The following CDRT4 variants were observed in gnomAD, a reference collection of about 807,000 sequenced individuals.
CDRT4 encodes CMT1A duplicated region transcript 4, also known as CMT1A duplicated region transcript 4 protein.
For synonymous variants in CDRT4, 64 were observed against 69.6 expected (o/e 0.92, Z 0.40); for missense variants, 167 against 193.1 (o/e 0.87, Z 0.80).
intron 2 of CDRT4, chr17:15,443,763 T>C (rs1394901220): frequency 1.4e-5 from 7 of 503,572 alleles, no homozygotes; most frequent in Non-Finnish European, 2.7e-5. Context: ...TAGAACCCAG[T>C]CTTCTCGGAC....
chr17:15,447,900 G>A (rs1443501415), intron 2 of CDRT4, among the ~76,000 whole-genome samples: 1 of 152,174 alleles, frequency 6.6e-6, no homozygotes, highest in African/African-American at 2.4e-5. Flanking sequence ...GAAACAAGCA[G>A]CAAGAAATAG....
intron 2 of CDRT4, among the ~76,000 whole-genome samples, chr17:15,447,275 G>A (rs977341388): frequency 2.0e-5 from 3 of 152,196 alleles, no homozygotes; most frequent in Admixed American, 6.5e-5. Flanking sequence ...ACAGCCCCAT[G>A]AGGAAGACAG....
intron 2 of CDRT4, among the ~76,000 whole-genome samples, chr17:15,449,800 G>C (rs78165090): frequency 0.012 from 1,831 of 152,256 alleles, 42 homozygotes; most frequent in African/African-American, 0.042. Flanking sequence ...TCATAAGTGA[G>C]AACATGTGAT....
chr17:15,444,532 T>C (rs1978927710), intron 2 of CDRT4, among the ~76,000 whole-genome samples: 1 of 152,154 alleles, frequency 6.6e-6, no homozygotes, highest in South Asian at 2.1e-4. Context: ...ATTGAAGATT[T>C]ATAAAATATT....
At chr17:15,466,932 T>C (rs555276654) in intron 1 of CDRT4, among the ~76,000 whole-genome samples, 2 of 152,358 alleles carry the variant, frequency 1.3e-5, no homozygotes, top group South Asian at 2.1e-4. Context: ...TATAGGTTTC[T>C]ATAGGTGCTT....
In CDRT4 at chr17:15,450,486, C is replaced by T. The variant is rs1979210704; in HGVS notation, c.-48+2518G>A. Among the ~76,000 whole-genome samples, 1 of 152,150 alleles carries T rather than the reference C, an allele frequency of 6.6e-6. No individual in the cohort carries two copies. Among genetic ancestry groups the T allele is most frequent in the Non-Finnish European group, 1.5e-5 (1 of 68,034 alleles). On this transcript the variant is annotated intron_variant, in intron 2 of 3. Coordinates refer to ENST00000619038, the MANE Select transcript of CDRT4 (RefSeq NM_001204477.2). This position sits in a 1 kb window ranked among gnomAD's most constrained non-coding sequence, Gnocchi z 4.2. ...CTCTCACATTCTTGAAATGTTCTCC[C>T]ACCTGGTTTCCATGATGCCACAGGA... is the stretch of plus-strand genomic sequence containing the variant.
chr17:15,461,116 G>A (rs1036283529), intron 1 of CDRT4, among the ~76,000 whole-genome samples: 23 of 152,070 alleles, frequency 1.5e-4, no homozygotes, highest in Admixed American at 1.2e-3. Flanking sequence ...CTGTTTCCCC[G>A]ACAGCACTTA....
chr17:15,460,712 G>C (rs1979707542), intron 1 of CDRT4, among the ~76,000 whole-genome samples: 1 of 152,076 alleles, frequency 6.6e-6, no homozygotes, highest in African/African-American at 2.4e-5. Flanking sequence ...CCACACAGCA[G>C]CCAGAGTGAT....
intron 1 of CDRT4, among the ~76,000 whole-genome samples, chr17:15,462,447 A>AAAAAGATTC (rs1979800012): frequency 6.6e-6 from 1 of 151,352 alleles, no homozygotes; most frequent in Admixed American, 6.6e-5. Context: ...AAAAAAAAAA[A>AAAAAGATTC]AAAAGATTCT....
At chr17:15,445,978 T>C (rs1428960043) in intron 2 of CDRT4, among the ~76,000 whole-genome samples, 2 of 152,222 alleles carry the variant, frequency 1.3e-5, no homozygotes, top group East Asian at 3.8e-4. Context: ...CTCTGCTTTT[T>C]TCTTTTTTTC....
chr17:15,466,434 T>A (rs1433199570), intron 1 of CDRT4, among the ~76,000 whole-genome samples: 1 of 152,218 alleles, frequency 6.6e-6, no homozygotes, highest in African/African-American at 2.4e-5. Context: ...CCCACCCCTA[T>A]CTACACCAAG....
Position 15,440,273 on chromosome 17 carries a change from C to A in CDRT4, c.-35G>T. 1 of 1,612,292 alleles carries A rather than the reference C, an allele frequency of 6.2e-7. No homozygotes were observed. Among genetic ancestry groups the A allele is most frequent in the Non-Finnish European group, 8.5e-7 (1 of 1,179,950 alleles). Reference sequence around the variant, plus strand: ...AATATTTACTGATTTCTTAACATCACAGGTTCAGATTCCTATGGGAAAATA... The same window carrying A: ...AATATTTACTGATTTCTTAACATCAAAGGTTCAGATTCCTATGGGAAAATA... On this transcript the variant is annotated 5_prime_UTR_variant, in exon 3 of 4. Coordinates refer to ENST00000619038, the MANE Select transcript of CDRT4 (RefSeq NM_001204477.2).
chr17:15,439,598 C>T (rs867586003), intron 3 of CDRT4, among the ~76,000 whole-genome samples: 1 of 152,184 alleles, frequency 6.6e-6, no homozygotes, highest in Non-Finnish European at 1.5e-5. Context: ...GCAGCAACCC[C>T]GTTCCATCTC....
intron 2 of CDRT4, among the ~76,000 whole-genome samples, chr17:15,447,572 C>A (rs560089944): frequency 6.6e-6 from 1 of 152,196 alleles, no homozygotes; most frequent in South Asian, 2.1e-4. Context: ...AAATTCACTG[C>A]GGGAAGAAGC....
At chr17:15,459,498 G>A (rs959556325) in intron 1 of CDRT4, among the ~76,000 whole-genome samples, 2 of 139,622 alleles carry the variant, frequency 1.4e-5, no homozygotes, top group African/African-American at 2.7e-5. Context: ...AGGCTGGAGT[G>A]CAGTGGCGCG....
rs763390019 is a variant in CDRT4, at chr17:15,438,153, C to CAT, written c.77_78dup (p.Asp27MetfsTer15). On this transcript the variant is annotated frameshift_variant, in exon 4 of 4. Coordinates refer to ENST00000619038, the MANE Select transcript of CDRT4 (RefSeq NM_001204477.2). LOFTEE classifies it low-confidence loss of function (END_TRUNC). ...TAGGTGACATAGGCCGGCCAGGGGT[C>CAT]ATGTTTTTCAAGTAGCTTCCGGGGA... 4 of 1,614,070 alleles carry CAT rather than the reference C, an allele frequency of 2.5e-6. No homozygotes were observed. The African/African-American group carries it at 5.3e-5, about 22-fold the overall frequency.
chr17:15,438,563 A>G (rs1468276357), intron 3 of CDRT4, among the ~76,000 whole-genome samples: 3 of 152,240 alleles, frequency 2.0e-5, no homozygotes, highest in African/African-American at 7.2e-5. Flanking sequence ...GGCTTGGAAC[A>G]GTACACTTAG....
rs1237102173 is a variant in CDRT4 at position 15,436,796 on chromosome 17, G to GGCCGAGA, written c.*970_*976dup. Reference sequence around the variant, plus strand: ...AGCTGGATGGGATCACTCAGAACCCGGCCGAGAGCTAATTCCCTCTTGGCT... The same window carrying GGCCGAGA: ...AGCTGGATGGGATCACTCAGAACCCGGCCGAGAGCCGAGAGCTAATTCCCTCTTGGCT... On this transcript the variant is annotated 3_prime_UTR_variant, in exon 4 of 4. Transcript: ENST00000619038. 1 of 152,194 alleles carries GGCCGAGA rather than the reference G, an allele frequency of 6.6e-6. No individual in the cohort carries two copies. The highest frequency in any genetic ancestry group is 6.5e-5 in the Admixed American group (1 of 15,276). The allele number at this position is 152,194 out of a possible 1,614,324, so 9.4% of individuals were successfully genotyped here. A position where few individuals can be genotyped will look rare whatever the true frequency, so the allele number is the denominator to read the frequency against.
rs118035706 is a variant in CDRT4 at position 15,444,152 on chromosome 17, T to A, written c.-47-3867A>T. The A allele has an allele frequency of 8.2e-4, 1,029 of 1,256,570 alleles. 10 individuals carry two copies. In the East Asian group the frequency reaches 0.023, roughly 28 times the overall value. The allele number at this position is 1,256,570 out of a possible 1,614,324, so 77.8% of individuals were successfully genotyped here. On this transcript the variant is annotated intron_variant, in intron 2 of 3. Coordinates refer to ENST00000619038, the MANE Select transcript of CDRT4 (RefSeq NM_001204477.2). ...TCAGGAAATTTTTGGATGGTATATA[T>A]GTCTCTGAAAAAGGAACTGTTCAGC...
Sources: gnomAD v4.1 joint callset for allele counts (sites outside exome capture counted in the v4.1 genomes callset) on GRCh38, gnomAD v4.1.1 for gene constraint, Gnocchi (gnomAD v3.1) non-coding constraint, MANE v1.5 for transcripts, NCBI Gene and HGNC (gene_info 2026-07-23, HGNC 2026-07-21) for gene names.